The following SCHIP1 variants were observed in gnomAD, a reference collection of about 807,000 sequenced individuals.
SCHIP1 encodes the protein schwannomin interacting protein 1, also known as schwannomin-interacting protein 1.
A neutral mutation model predicts 29.7 loss-of-function variants in SCHIP1; 8 were observed. The ratio of observed to expected loss-of-function variants is 0.27; its 90% CI spans 0.16 to 0.49. SCHIP1 has a LOEUF of 0.49. Ranked by LOEUF, SCHIP1 falls within the 20% of genes least tolerant of loss-of-function variation. The probability of loss-of-function intolerance (pLI) is 0.99; values close to 1 mark genes in which losing one functional copy is unlikely to be tolerated. For synonymous variants in SCHIP1, 76 were observed against 94.9 expected, an observed-to-expected ratio of 0.80 and a Z score of 1.16; for missense variants, 193 against 294.6, an observed-to-expected ratio of 0.66 and a Z score of 2.52.
At chr3:159,447,530 C>T in the SCHIP1 span, among the ~76,000 whole-genome samples, 1 of 152,156 alleles carries the variant, frequency 6.6e-6, no homozygotes, top group Non-Finnish European at 1.5e-5. Context: ...AGTGTTCAGC[C>T]ACTGTTCTAG....
At chr3:159,573,582 G>A in the SCHIP1 span, among the ~76,000 whole-genome samples, 2 of 152,096 alleles carry the variant, frequency 1.3e-5, no homozygotes, top group Non-Finnish European at 2.9e-5. Flanking sequence ...TGAAGATTAT[G>A]TGTCTTGGGG....
the SCHIP1 span, among the ~76,000 whole-genome samples, chr3:159,686,224 C>A: frequency 6.6e-5 from 10 of 152,278 alleles, no homozygotes; most frequent in Middle Eastern, 3.4e-3. Flanking sequence ...AAAAGGAAAT[C>A]CAGCCCTGAG....
chr3:159,504,866 C>G, the SCHIP1 span, among the ~76,000 whole-genome samples: 1 of 152,118 alleles, frequency 6.6e-6, no homozygotes, highest in African/African-American at 2.4e-5. Context: ...AATTTCCATA[C>G]CGTGTTAGGC....
the SCHIP1 span, among the ~76,000 whole-genome samples, chr3:159,811,650 A>G: frequency 6.6e-6 from 1 of 152,328 alleles, no homozygotes; most frequent in Non-Finnish European, 1.5e-5. Flanking sequence ...CTACATGTCT[A>G]CCCTTATGCC....
chr3:159,648,712 TCTTA>T, the SCHIP1 span, among the ~76,000 whole-genome samples: 262 of 152,166 alleles, frequency 1.7e-3, 1 homozygote, highest in African/African-American at 6.1e-3. Flanking sequence ...TTCCCTGTTA[TCTTA>T]CTTACACCAA....
the SCHIP1 span, among the ~76,000 whole-genome samples, chr3:159,302,051 T>C: frequency 6.6e-6 from 1 of 152,232 alleles, no homozygotes; most frequent in Non-Finnish European, 1.5e-5. Flanking sequence ...TTCACACTTA[T>C]ATTTTAAACT....
At chr3:159,441,083 C>T in the SCHIP1 span, among the ~76,000 whole-genome samples, 14 of 152,252 alleles carry the variant, frequency 9.2e-5, no homozygotes, top group Middle Eastern at 3.4e-3. Context: ...ATCTGTCTTT[C>T]CCATTATTAG....
the SCHIP1 span, among the ~76,000 whole-genome samples, chr3:159,660,823 A>G: frequency 6.6e-6 from 1 of 152,164 alleles, no homozygotes. Context: ...GTTGGCCCAA[A>G]GGGATTAGAA....
At chr3:159,680,051 A>G in the SCHIP1 span, among the ~76,000 whole-genome samples, 1 of 152,010 alleles carries the variant, frequency 6.6e-6, no homozygotes, top group Non-Finnish European at 1.5e-5. Flanking sequence ...CTTCCCACCG[A>G]GAAACACACT....
the SCHIP1 span, among the ~76,000 whole-genome samples, chr3:159,287,570 A>G: frequency 6.6e-6 from 1 of 152,162 alleles, no homozygotes; most frequent in East Asian, 1.9e-4. Context: ...ATTACTGTCT[A>G]GCACAAGATA....
At chr3:159,303,101 G>T in the SCHIP1 span, among the ~76,000 whole-genome samples, 3 of 152,062 alleles carry the variant, frequency 2.0e-5, no homozygotes, top group Non-Finnish European at 4.4e-5. Context: ...CAGAAAGTTT[G>T]GTTTTAGAGC....
At chr3:159,764,660 C>T in the SCHIP1 span, 2 of 1,595,812 alleles carry the variant, frequency 1.3e-6, no homozygotes, top group South Asian at 1.1e-5. This position sits in a 1 kb window ranked among gnomAD's most constrained non-coding sequence, Gnocchi z 6.1. Flanking sequence ...GAGTGGGCGC[C>T]GGAGGAGGAC....
chr3:159,413,356 T>C, the SCHIP1 span, among the ~76,000 whole-genome samples: 2 of 152,194 alleles, frequency 1.3e-5, no homozygotes, highest in Admixed American at 6.5e-5. Context: ...CCTTCAGATA[T>C]TGATCTTTTT....
chr3:159,366,126 G>A, the SCHIP1 span, among the ~76,000 whole-genome samples: 1 of 152,128 alleles, frequency 6.6e-6, no homozygotes, highest in Non-Finnish European at 1.5e-5. Context: ...TCCAATCATG[G>A]CAGAGGCAAA....
chr3:159,312,206 T>C, the SCHIP1 span, among the ~76,000 whole-genome samples: 1 of 152,088 alleles, frequency 6.6e-6, no homozygotes, highest in Non-Finnish European at 1.5e-5. Flanking sequence ...CCGTATTAGC[T>C]AGGGTAGGCT....
At chr3:159,511,340 G>A in the SCHIP1 span, among the ~76,000 whole-genome samples, 1 of 152,326 alleles carries the variant, frequency 6.6e-6, no homozygotes, top group Non-Finnish European at 1.5e-5. Flanking sequence ...GGGTGGGAGT[G>A]ACCGGATTTT....
intron 2 of SCHIP1, among the ~76,000 whole-genome samples, chr3:159,876,891 C>A (rs138017794): frequency 1.3e-5 from 2 of 152,212 alleles, no homozygotes; most frequent in East Asian, 1.9e-4. Context: ...ATCGTCCCCC[C>A]ATCTGCAAGG....
the SCHIP1 span, among the ~76,000 whole-genome samples, chr3:159,683,345 C>A: frequency 1.3e-5 from 2 of 152,156 alleles, no homozygotes; most frequent in Non-Finnish European, 2.9e-5. Flanking sequence ...GCCACTGTTC[C>A]CGGCCCAGGA....
At chr3:159,689,901 T>C in the SCHIP1 span, among the ~76,000 whole-genome samples, 2 of 152,240 alleles carry the variant, frequency 1.3e-5, no homozygotes, top group African/African-American at 4.8e-5. Context: ...GGATTACGCT[T>C]ATTGATTTGC....
Sources: allele counts gnomAD v4.1 joint callset (sites outside exome capture counted in the v4.1 genomes callset), GRCh38; gene constraint gnomAD v4.1.1; non-coding constraint Gnocchi (gnomAD v3.1); transcripts MANE v1.5; gene names NCBI Gene and HGNC (gene_info 2026-07-23, HGNC 2026-07-21).